ATP8B4: variants seen among roughly 807,000 people sequenced by gnomAD.
ATP8B4 encodes the protein probable phospholipid-transporting ATPase IM.
In ATP8B4, 133 loss-of-function variants were observed where a neutral mutation model predicts 145.6. The ratio of observed to expected loss-of-function variants is 0.91; its 90% CI spans 0.79 to 1.05. The LOEUF is 1.05. ATP8B4 is among the 50% of genes least tolerant of loss of function. The pLI is 0.00. For synonymous variants in ATP8B4, 507 were observed against 492.9 expected (o/e 1.03, Z -0.38); for missense variants, 1,458 against 1,425.2 (o/e 1.02, Z -0.37).
At chr15:50,098,186 T>C (rs2056106641) in intron 2 of ATP8B4, among the ~76,000 whole-genome samples, 1 of 150,444 alleles carries the variant, frequency 6.6e-6, no homozygotes, top group Non-Finnish European at 1.5e-5. Context: ...ATAGTATGTG[T>C]AAGCTGCCAA....
Position 49,950,602 on chromosome 15 carries a change from A to C in ATP8B4, c.1287+11375T>G, listed in dbSNP as rs1276308050. On this transcript the variant is annotated intron_variant, in intron 14 of 27. Coordinates refer to ENST00000284509, the MANE Select transcript of ATP8B4 (RefSeq NM_024837.4). ...TCTATGTATTAACTAAAAAAAAAAA[A>C]CAAACAAACAAACAAACAAAAAAAA... is the stretch of plus-strand genomic sequence containing the variant. Among the ~76,000 whole-genome samples, 76 of 115,930 alleles carry C rather than the reference A, an allele frequency of 6.6e-4. 1 individual carries two copies. Among genetic ancestry groups the C allele is most frequent in the African/African-American group, 2.5e-3 (75 of 30,200 alleles). 76.1% of individuals were successfully genotyped at this position (115,930 alleles called of 152,430 possible).
At position 49,923,484 on chromosome 15, in the gene ATP8B4, T is replaced by G. The variant is rs1261993762; in HGVS notation, c.1653A>C (p.Pro551=). 3.8e-6 allele frequency: 6 copies of G among 1,599,988 alleles called. No individual in the cohort carries two copies. The highest frequency in any genetic ancestry group is 5.1e-6 in the Non-Finnish European group (6 of 1,174,902). The change falls in exon 17 of 28, where the codon CCA becomes CCC. Residue 551 remains proline (P), a synonymous_variant. Transcript: ENST00000284509. The part of the protein sequence containing the change: ...RKRMSVIVRN[P]EGQIKLYSKG... ...TGGAATAAAGCTTTATCTGTCCTTCTGGGTTTCGAACTGAAAAGAAAAAAG... is the reference window on the plus strand; with the variant it reads ...TGGAATAAAGCTTTATCTGTCCTTCGGGGTTTCGAACTGAAAAGAAAAAAG...
At chr15:50,134,381 G>A (rs2044093635) in intron 1 of ATP8B4, among the ~76,000 whole-genome samples, 2 of 152,204 alleles carry the variant, frequency 1.3e-5, no homozygotes, top group African/African-American at 4.8e-5. Flanking sequence ...GTCAAGATCA[G>A]AGCAGACTTT....
intron 1 of ATP8B4, among the ~76,000 whole-genome samples, chr15:50,117,418 T>C (rs2057187908): frequency 6.6e-6 from 1 of 152,192 alleles, no homozygotes; most frequent in African/African-American, 2.4e-5. Flanking sequence ...GTTAGTTAAC[T>C]CTTTTCCTAC....
intron 6 of ATP8B4, among the ~76,000 whole-genome samples, chr15:50,025,801 G>T (rs1467759452): frequency 6.6e-6 from 1 of 152,162 alleles, no homozygotes; most frequent in African/African-American, 2.4e-5. Context: ...ACCTGCATTT[G>T]CAGAATATAG....
At chr15:50,029,658 C>T (rs183705744) in intron 6 of ATP8B4, among the ~76,000 whole-genome samples, 353 of 152,000 alleles carry the variant, frequency 2.3e-3, no homozygotes, top group Non-Finnish European at 4.1e-3. Context: ...GACAGTAGGA[C>T]GTGGTATAAA....
At chr15:50,140,128 T>C (rs1294753555) in intron 1 of ATP8B4, among the ~76,000 whole-genome samples, 5 of 152,176 alleles carry the variant, frequency 3.3e-5, no homozygotes, top group South Asian at 2.1e-4. Context: ...ATATAATTTA[T>C]CCATGTAAAA....
At chr15:49,942,774 G>A (rs1334310846) in intron 14 of ATP8B4, among the ~76,000 whole-genome samples, 7 of 151,914 alleles carry the variant, frequency 4.6e-5, no homozygotes, top group African/African-American at 1.5e-4. Context: ...GCAGTGAGCC[G>A]AGATCGCGCC....
At chr15:50,017,989 T>C (rs1043890134) in intron 6 of ATP8B4, among the ~76,000 whole-genome samples, 2 of 83,868 alleles carry the variant, frequency 2.4e-5, no homozygotes, top group African/African-American at 2.1e-4. Flanking sequence ...TTCTTTTTTT[T>C]TCTTTTTTTT....
chr15:49,914,649 A>G (rs2153449087), intron 20 of ATP8B4, among the ~76,000 whole-genome samples: 1 of 152,266 alleles, frequency 6.6e-6, no homozygotes, highest in African/African-American at 2.4e-5. Flanking sequence ...CCCATTAAAA[A>G]GCAAAGAACA....
intron 24 of ATP8B4, among the ~76,000 whole-genome samples, chr15:49,879,008 A>C (rs999168095): frequency 4.6e-5 from 7 of 152,238 alleles, no homozygotes; most frequent in Non-Finnish European, 1.0e-4. Context: ...ACTAGTTCTG[A>C]GACATATTAA....
At chr15:50,088,597 T>C (rs946414930) in intron 2 of ATP8B4, among the ~76,000 whole-genome samples, 2 of 152,208 alleles carry the variant, frequency 1.3e-5, no homozygotes, top group Non-Finnish European at 2.9e-5. Context: ...CAGCCTTCCA[T>C]GGTTATCCTT....
chr15:50,014,443 CA>C lies in ATP8B4; in HGVS notation c.363-3527del, dbSNP rs768194651. Among the ~76,000 whole-genome samples, 24 of 152,156 alleles carry C rather than the reference CA, an allele frequency of 1.6e-4. No individual in the cohort carries two copies. In the South Asian group the frequency reaches 2.3e-3, roughly 14 times the overall value. On this transcript the variant is annotated intron_variant, in intron 6 of 27. Coordinates refer to ENST00000284509, the MANE Select transcript of ATP8B4 (RefSeq NM_024837.4). ...TTAAGGAGTATAGAATCATTATTTC[CA>C]AAAACATTTGCTGAATGATAGCATT... is the stretch of plus-strand genomic sequence containing the variant.
In ATP8B4 at chr15:50,173,106, G is replaced by A. The variant is rs569875149; in HGVS notation, c.-43+9155C>T. On this transcript the variant is annotated intron_variant, in intron 1 of 3. Coordinates refer to the ATP8B4 transcript ENST00000558829. ...GCAGCCCCCGCCCAGCCGCCGCCCC[G>A]TCTGGGAGGTGGGGGGCGCCTCTGC... Among the ~76,000 whole-genome samples the A allele has an allele frequency of 6.1e-3, 919 of 149,562 alleles. 14 individuals carry two copies. The highest frequency in any genetic ancestry group is 0.022 in the African/African-American group (878 of 40,558).
At chr15:50,064,576 T>C (rs2053247660) in intron 3 of ATP8B4, among the ~76,000 whole-genome samples, 1 of 152,218 alleles carries the variant, frequency 6.6e-6, no homozygotes, top group Non-Finnish European at 1.5e-5. Context: ...TCTTGGATCA[T>C]TTTTAAAGAA....
At chr15:50,080,693 A>G (rs750944743) in intron 2 of ATP8B4, among the ~76,000 whole-genome samples, 1 of 151,960 alleles carries the variant, frequency 6.6e-6, no homozygotes, top group Non-Finnish European at 1.5e-5. Flanking sequence ...TTGGCCTCCT[A>G]AAGTGCTGGA....
chr15:49,868,277 T>C (rs891145564), intron 25 of ATP8B4, among the ~76,000 whole-genome samples: 4 of 152,178 alleles, frequency 2.6e-5, no homozygotes, highest in Admixed American at 2.0e-4. Context: ...ACAACAACTA[T>C]ATAGTGAAGC....
chr15:50,027,848 C>G (rs562791224), intron 6 of ATP8B4, among the ~76,000 whole-genome samples: 5 of 152,126 alleles, frequency 3.3e-5, no homozygotes, highest in Non-Finnish European at 7.4e-5. Flanking sequence ...TTTTCCTCAC[C>G]CATGCTATAA....
Position 49,876,129 on chromosome 15 carries a change from T to C in ATP8B4, c.3027+149A>G, listed in dbSNP as rs965361399. On this transcript the variant is annotated intron_variant, in intron 25 of 27. Transcript: ENST00000284509. ...CCCAGTAATTTATGTTAAAGCTTCC[T>C]GCTTTCATCTCAAAATGTGTACTTA... 4.4e-6 allele frequency: 5 copies of C among 1,136,128 alleles called. No homozygotes were observed. In the East Asian group the frequency reaches 7.7e-5, roughly 17 times the overall value. 70.4% of individuals were successfully genotyped at this position (1,136,128 alleles called of 1,614,324 possible). A position where few individuals can be genotyped will look rare whatever the true frequency, so the allele number is the denominator to read the frequency against.
Sources: gnomAD v4.1 joint callset for allele counts (sites outside exome capture counted in the v4.1 genomes callset) on GRCh38, gnomAD v4.1.1 for gene constraint, MANE v1.5 for transcripts, NCBI Gene and HGNC (gene_info 2026-07-23, HGNC 2026-07-21) for gene names.